CYP11B1: variants seen among roughly 807,000 people sequenced by gnomAD.
CYP11B1 encodes the protein cytochrome P450 11B1, mitochondrial.
CYP11B1 carries 34 observed loss-of-function variants against 48.3 expected under a neutral mutation model. The ratio of observed to expected loss-of-function variants is 0.70; its 90% CI spans 0.54 to 0.94. The LOEUF is 0.94. CYP11B1 is among the 40% of genes least tolerant of loss of function. The pLI is 0.00. For synonymous variants in CYP11B1, 291 were observed against 262.5 expected, an observed-to-expected ratio of 1.11 and a Z score of -1.05; for missense variants, 688 against 657.4, an observed-to-expected ratio of 1.05 and a Z score of -0.51.
In CYP11B1 at chr8:142,872,736, T is replaced by G. The variant is rs1310452013; in HGVS notation, c.*1637A>C. ...GAAACAGAAGCAGAGTAGTTTAATC[T>G]GAATTTTTGTGTCCGCCTCCAGAAT... On this transcript the variant is annotated 3_prime_UTR_variant, in exon 9 of 9. Coordinates refer to ENST00000292427, the MANE Select transcript of CYP11B1 (RefSeq NM_000497.4). 1 of 152,212 alleles carries G rather than the reference T, an allele frequency of 6.6e-6. No homozygotes were observed. Among genetic ancestry groups the G allele is most frequent in the Non-Finnish European group, 1.5e-5 (1 of 68,048 alleles). 9.4% of individuals were successfully genotyped at this position (152,212 alleles called of 1,614,324 possible).
At chr8:142,879,244 C>T in intron 1 of CYP11B1, 57 bp from the exon 2 acceptor site, 1 of 1,612,360 alleles carries the variant, frequency 6.2e-7, no homozygotes, top group Non-Finnish European at 8.5e-7. Context: ...CTAGCCCCAC[C>T]CTGCAGTCCC....
chr8:142,877,795 A>G (rs776516554), intron 2 of CYP11B1: 2 of 1,596,546 alleles, frequency 1.3e-6, no homozygotes, highest in Non-Finnish European at 8.5e-7. Flanking sequence ...GGATGCCCCC[A>G]GGGAATGGTG....
chr8:142,874,036 C>A lies in CYP11B1; in HGVS notation c.*337G>T. Reference sequence around the variant, plus strand: ...TGAGACTAGGCAGGAAGGCAAGGGACAAAACCACAGCACCCTTGTATGGCC... The same window carrying A: ...TGAGACTAGGCAGGAAGGCAAGGGAAAAAACCACAGCACCCTTGTATGGCC... On this transcript the variant is annotated 3_prime_UTR_variant, in exon 9 of 9. Transcript: ENST00000292427. The A allele has an allele frequency of 2.5e-6, 1 of 406,334 alleles. No homozygotes were observed. 25.2% of individuals were successfully genotyped at this position (406,334 alleles called of 1,614,324 possible). A position where few individuals can be genotyped will look rare whatever the true frequency, so the allele number is the denominator to read the frequency against.
intron 8 of CYP11B1, 61 bp downstream of exon 8, chr8:142,874,896 C>T: frequency 1.3e-6 from 2 of 1,598,684 alleles, no homozygotes; most frequent in Non-Finnish European, 1.7e-6. Context: ...CCACATTGCT[C>T]AAGCCCCGCC....
At chr8:142,878,091 G>A (rs531994312) in intron 2 of CYP11B1, among the ~76,000 whole-genome samples, 13 of 152,116 alleles carry the variant, frequency 8.5e-5, no homozygotes, top group South Asian at 2.1e-4. Context: ...CACACAACAC[G>A]TGCAAATGCA....
At chr8:142,879,340 C>A (rs994923055) in intron 1 of CYP11B1, 153 bp from the exon 2 acceptor site, 9 of 1,606,766 alleles carry the variant, frequency 5.6e-6, no homozygotes, top group Non-Finnish European at 6.8e-6. Flanking sequence ...CCCGGAACCT[C>A]TTAACTTCAG....
rs772473932 is a variant in CYP11B1, at chr8:142,874,447, C to T, written c.1438G>A (p.Asp480Asn). Residue 480 changes from aspartate to asparagine, a missense_variant, in exon 9 of 9, where the codon GAC becomes AAC. Transcript: ENST00000292427. ...ATGAAGCTGTAGACCATCTTTATGT[C>T]CTCTTGGGTTAGTGTCTCCACCTGG... ...HLQVETLTQE[D>N]IKMVYSFILR... 2.7e-5 allele frequency: 43 copies of T among 1,613,914 alleles called. No individual in the cohort carries two copies. Among genetic ancestry groups the T allele is most frequent in the Non-Finnish European group, 3.6e-5 (42 of 1,179,942 alleles).
intron 2 of CYP11B1, among the ~76,000 whole-genome samples, chr8:142,878,042 A>C (rs1817015601): frequency 1.6e-5 from 2 of 126,816 alleles, no homozygotes; most frequent in South Asian, 6.1e-4. Context: ...CACACACCAC[A>C]CATACATGCA....
rs1295865296 is a variant in CYP11B1, at chr8:142,874,473, A to C, written c.1412T>G (p.Leu471Arg). 1.9e-6 allele frequency: 3 copies of C among 1,612,940 alleles called. No individual in the cohort carries two copies. The African/African-American group carries it at 4.0e-5, about 22-fold the overall frequency. ...LLLLHHVLKH[L>R]QVETLTQEDI... is the part of the protein sequence containing the mutation. ...CTCTTGGGTTAGTGTCTCCACCTGG[A>C]GGTGTTTCAGCACCTAGGACAGAAG... The change falls in exon 9 of 9, where the codon CTC (leucine) becomes CGC (arginine). Residue 471 changes from leucine (L) to arginine (R), a missense_variant. Leu to Arg is a moderately radical substitution (Grantham distance 102). Coordinates refer to ENST00000292427, the MANE Select transcript of CYP11B1 (RefSeq NM_000497.4).
intron 5 of CYP11B1, 105 bp downstream of exon 5, chr8:142,876,136 T>A (rs1370109894): frequency 2.7e-6 from 4 of 1,486,596 alleles, no homozygotes; most frequent in Non-Finnish European, 2.8e-6. Context: ...GTGGGGCCCA[T>A]AGCCTGGGGA....
At position 142,875,269 on chromosome 8, in the gene CYP11B1, C is replaced by G. The variant is rs200711326; in HGVS notation, c.1165G>C (p.Asp389His). The G allele has an allele frequency of 6.2e-7, 1 of 1,613,838 alleles. No homozygotes were observed. The highest frequency in any genetic ancestry group is 1.3e-5 in the African/African-American group (1 of 75,044). The change falls in exon 7 of 9, where the codon GAC becomes CAC. Residue 389 changes from aspartate (D) to histidine (H), a missense_variant. By Grantham distance (81) the Asp-to-His change is moderately conservative. Coordinates refer to ENST00000292427, the MANE Select transcript of CYP11B1 (RefSeq NM_000497.4). ...ATGTGGTAGTTCTGAAGCACCAAGT[C>G]TGAGCTCGCCACTCGCTCCAGAAAC... is the stretch of plus-strand genomic sequence containing the variant. ...GLFLERVASS[D>H]LVLQNYHIPA...
rs1005898526 is a variant in CYP11B1 at position 142,876,274 on chromosome 8, G to A, written c.921C>T (p.Asn307=). 1.5e-5 allele frequency: 24 copies of A among 1,614,156 alleles called. No homozygotes were observed. The highest frequency in any genetic ancestry group is 8.0e-5 in the African/African-American group (6 of 74,950). Residue 307 remains asparagine, a synonymous_variant, in exon 5 of 9, where the codon AAC becomes AAT. Transcript: ENST00000292427. ...CGCTCCCTGCAGTGAGTTCCATAGAGTTGGCCTTGATGGCATCTGGCGACA... is the reference window on the plus strand; with the variant it reads ...CGCTCCCTGCAGTGAGTTCCATAGAATTGGCCTTGATGGCATCTGGCGACA... ...AELSPDAIKA[N]SMELTAGSVD...
At chr8:142,878,736 G>A (rs999753975) in intron 2 of CYP11B1, among the ~76,000 whole-genome samples, 5 of 152,166 alleles carry the variant, frequency 3.3e-5, no homozygotes, top group Non-Finnish European at 4.4e-5. Flanking sequence ...TCCCCAGACC[G>A]CAAGAGAAAG....
rs141305721 is a variant in CYP11B1 at position 142,877,223 on chromosome 8, C to T, written c.396-1G>A. On this transcript the variant is annotated splice_acceptor_variant, in intron 2 of 8. Transcript: ENST00000292427. LOFTEE classifies it high-confidence loss of function. ...GTTGAAGCGCCATTCAGGCCCATTCCTACAGAGGCCAGGGCAGAGCTTGTG... is the reference window on the plus strand; with the variant it reads ...GTTGAAGCGCCATTCAGGCCCATTCTTACAGAGGCCAGGGCAGAGCTTGTG... 1.2e-6 allele frequency: 2 copies of T among 1,611,228 alleles called. No homozygotes were observed. Among genetic ancestry groups the T allele is most frequent in the Non-Finnish European group, 1.7e-6 (2 of 1,178,806 alleles).
In CYP11B1 at chr8:142,875,697, TC is replaced by T; in HGVS notation, c.1121+14del. 6.2e-7 allele frequency: 1 copy of T among 1,613,216 alleles called. No homozygotes were observed. The highest frequency in any genetic ancestry group is 2.2e-5 in the East Asian group (1 of 44,814). ...AGGGGGCCAGGGCCACAGGGAGGCCTCAGCCAGCACCCACCGCAAGGTCTCC... is the reference window on the plus strand; with the variant it reads ...AGGGGGCCAGGGCCACAGGGAGGCCTAGCCAGCACCCACCGCAAGGTCTCC... On this transcript the variant is annotated intron_variant, in intron 6 of 8. Coordinates refer to ENST00000292427, the MANE Select transcript of CYP11B1 (RefSeq NM_000497.4).
At position 142,879,785 on chromosome 8, in the gene CYP11B1, C is replaced by G; in HGVS notation, c.29G>C (p.Cys10Ser). The G allele has an allele frequency of 6.2e-7, 1 of 1,614,074 alleles. No individual in the cohort carries two copies. Among genetic ancestry groups the G allele is most frequent in the Non-Finnish European group, 8.5e-7 (1 of 1,180,042 alleles). ...CAGGGACAGCCAGGGCACTGCCATG[C>G]ACACCTCTGCCTTTGCCCTGAGTGC... The part of the protein sequence containing the change: MALRAKAEV[C>S]MAVPWLSLQR... The change falls in exon 1 of 9, where the codon TGC becomes TCC. Residue 10 changes from cysteine to serine, a missense_variant. Cys to Ser is a moderately radical substitution (Grantham distance 112, BLOSUM62 -1). Coordinates refer to ENST00000292427, the MANE Select transcript of CYP11B1 (RefSeq NM_000497.4).
rs61751150 is a variant in CYP11B1, at chr8:142,877,159, A to G, written c.459T>C (p.Ala153=). 1.9e-4 allele frequency: 304 copies of G among 1,613,798 alleles called. 1 individual carries two copies. Among genetic ancestry groups the G allele is most frequent in the African/African-American group, 1.7e-3 (129 of 74,906 alleles). ...CCACCATCGGGAGGAACCTCTGCAC[A>G]GCGTTGGGCGACAGCACTTCTGGAT... The part of the protein sequence containing the change: ...RLNPEVLSPN[A]VQRFLPMVDA... The change falls in exon 3 of 9, where the codon GCT becomes GCC. Residue 153 remains alanine, a synonymous_variant. Coordinates refer to ENST00000292427, the MANE Select transcript of CYP11B1 (RefSeq NM_000497.4).
At chr8:142,876,957 G>A in intron 3 of CYP11B1, 66 bp downstream of exon 3, 1 of 1,612,348 alleles carries the variant, frequency 6.2e-7, no homozygotes, top group Non-Finnish European at 8.5e-7. Flanking sequence ...ACTCCCTTCA[G>A]TCCCCCATCC....
intron 1 of CYP11B1, 111 bp downstream of exon 1, chr8:142,879,464 A>T: frequency 1.2e-6 from 2 of 1,613,856 alleles, no homozygotes; most frequent in Non-Finnish European, 1.7e-6. Flanking sequence ...CTTCCAAAGG[A>T]TGCAGAGTGC....
Sources: gnomAD v4.1 joint callset for allele counts (sites outside exome capture counted in the v4.1 genomes callset) on GRCh38, gnomAD v4.1.1 for gene constraint, MANE v1.5 for transcripts, NCBI Gene and HGNC (gene_info 2026-07-23, HGNC 2026-07-21) for gene names.